Variants in STX1A observed in about 807,000 individuals in gnomAD.
The protein encoded by STX1A is syntaxin 1A.
In STX1A, 4 loss-of-function variants were observed where a neutral mutation model predicts 37.8. That is an observed-to-expected ratio of 0.11 (90% confidence interval 0.05 to 0.24). STX1A has a LOEUF of 0.24. Ranked by LOEUF, STX1A falls within the 10% of genes least tolerant of loss-of-function variation. The pLI is 1.00. For synonymous variants in STX1A, 135 were observed against 147.4 expected (o/e 0.92, Z 0.61); for missense variants, 251 against 399.9 (o/e 0.63, Z 3.18).
chr7:73,710,283 G>A (rs902326849), intron 1 of STX1A, among the ~76,000 whole-genome samples: 6 of 152,230 alleles, frequency 3.9e-5, no homozygotes, highest in South Asian at 2.1e-4. Context: ...GCCTCATACC[G>A]CCAGTTGGCC....
intron 1 of STX1A, among the ~76,000 whole-genome samples, chr7:73,713,622 C>T (rs550294717): frequency 6.6e-6 from 1 of 152,276 alleles, no homozygotes; most frequent in Non-Finnish European, 1.5e-5. Flanking sequence ...TGCAGCTACT[C>T]AGGAGGCTGA....
intron 1 of STX1A, among the ~76,000 whole-genome samples, chr7:73,711,162 T>TA (rs1330645370): frequency 1.3e-5 from 2 of 151,560 alleles, no homozygotes; most frequent in Non-Finnish European, 2.9e-5. Context: ...CACACCCAGC[T>TA]ACTTTTTGAT....
In STX1A at chr7:73,709,143, A is replaced by AT; in HGVS notation, c.31-22dup. ...TTGGCCTGTGCGGGGTTGTGCACAC[A>AT]TAAGTGGACGTATGTACAGGACCCA... On this transcript the variant is annotated intron_variant, in intron 1 of 9. Coordinates refer to ENST00000222812, the MANE Select transcript of STX1A (RefSeq NM_004603.4). The surrounding 1 kb of genome is among the most constrained non-coding windows in gnomAD (Gnocchi z 4.2). 1 of 1,610,030 alleles carries AT rather than the reference A, an allele frequency of 6.2e-7. No individual in the cohort carries two copies. Among genetic ancestry groups the AT allele is most frequent in the Middle Eastern group, 1.6e-4 (1 of 6,062 alleles).
In STX1A at chr7:73,700,015, A is replaced by G. The variant is rs1011352866; in HGVS notation, c.*392T>C. 6 of 275,470 alleles carry G rather than the reference A, an allele frequency of 2.2e-5. No individual in the cohort carries two copies. The highest frequency in any genetic ancestry group is 1.1e-4 in the African/African-American group (5 of 45,832). The allele number at this position is 275,470 out of a possible 1,614,324, so 17.1% of individuals were successfully genotyped here. ...CCCTCAGGGCTCTGCTTGTGGGGAC[A>G]GCTGGAGAGGACAGGGCAGGTCAGC... is the stretch of plus-strand genomic sequence containing the variant. On this transcript the variant is annotated 3_prime_UTR_variant, in exon 10 of 10. Transcript: ENST00000222812. This position sits in a 1 kb window ranked among gnomAD's most constrained non-coding sequence, Gnocchi z 4.4.
At position 73,709,022 on chromosome 7, in the gene STX1A, G is replaced by C. The variant is rs1554617545; in HGVS notation, c.108+23C>G. 6.2e-7 allele frequency: 1 copy of C among 1,613,516 alleles called. No individual in the cohort carries two copies. The highest frequency in any genetic ancestry group is 8.5e-7 in the Non-Finnish European group (1 of 1,179,454). ...CCCAAGTTCTGCCAGTGTGCGGGAA[G>C]GGTGGGGTGTGCTGGCTCCCACCTG... On this transcript the variant is annotated intron_variant, in intron 2 of 9. Transcript: ENST00000222812. The surrounding 1 kb of genome is among the most constrained non-coding windows in gnomAD (Gnocchi z 4.2).
intron 3 of STX1A, among the ~76,000 whole-genome samples, chr7:73,708,101 T>C (rs1798942687): frequency 7.5e-6 from 1 of 132,748 alleles, no homozygotes; most frequent in Non-Finnish European, 1.6e-5. Flanking sequence ...CCGTCTCTAC[T>C]AAAATACAAA....
intron 1 of STX1A, among the ~76,000 whole-genome samples, chr7:73,713,979 C>T (rs1160146726): frequency 6.6e-6 from 1 of 152,224 alleles, no homozygotes; most frequent in Non-Finnish European, 1.5e-5. Flanking sequence ...CTGGCCAAAA[C>T]CAGGCTCCAC....
chr7:73,710,172 C>G (rs1799046756), intron 1 of STX1A, among the ~76,000 whole-genome samples: 1 of 152,274 alleles, frequency 6.6e-6, no homozygotes, highest in Non-Finnish European at 1.5e-5. Context: ...AAGCCCCACT[C>G]CACTGTCCCA....
rs1554615699 is a variant in STX1A at position 73,700,578 on chromosome 7, G to C, written c.790-94C>G. ...GGCTGAGGACTGGACAGTCGGGGGGGATCCAAGCAGGGGAAGGTGACGGCC... is the reference window on the plus strand; with the variant it reads ...GGCTGAGGACTGGACAGTCGGGGGGCATCCAAGCAGGGGAAGGTGACGGCC... On this transcript the variant is annotated intron_variant, in intron 9 of 9. Transcript: ENST00000222812. The surrounding 1 kb of genome is among the most constrained non-coding windows in gnomAD (Gnocchi z 4.4). The C allele has an allele frequency of 6.6e-7, 1 of 1,523,268 alleles. No homozygotes were observed. Among genetic ancestry groups the C allele is most frequent in the Admixed American group, 1.9e-5 (1 of 52,800 alleles). The allele number at this position is 1,523,268 out of a possible 1,614,324, so 94.4% of individuals were successfully genotyped here. A position where few individuals can be genotyped will look rare whatever the true frequency, so the allele number is the denominator to read the frequency against.
Position 73,704,376 on chromosome 7 carries a change from CGGA to C in STX1A, c.328_330del (p.Ser110del). On this transcript the variant is annotated inframe_deletion, in exon 5 of 10. Transcript: ENST00000222812. ...TGTGTCTTCCGGATCCTCAGGTCAG[CGGA>C]GGAGCGGTTCAGGCCTTCCTCTTGC... 2.5e-6 allele frequency: 4 copies of C among 1,614,172 alleles called. No homozygotes were observed. Among genetic ancestry groups the C allele is most frequent in the Non-Finnish European group, 3.4e-6 (4 of 1,180,020 alleles).
At chr7:73,708,262 C>CAAAAAAAA (rs1157786155) in intron 3 of STX1A, among the ~76,000 whole-genome samples, 56 of 48,098 alleles carry the variant, frequency 1.2e-3, no homozygotes, top group Non-Finnish European at 1.4e-3. Context: ...GACTCCATCT[C>CAAAAAAAA]AAAAAAAAAA....
Position 73,713,981 on chromosome 7 carries a change from A to G in STX1A, c.31-4859T>C, listed in dbSNP as rs542624355. On this transcript the variant is annotated intron_variant, in intron 1 of 9. Coordinates refer to ENST00000222812, the MANE Select transcript of STX1A (RefSeq NM_004603.4). Reference sequence around the variant, plus strand: ...CCTTGCCTGCCTCCTGGCCAAAACCAGGCTCCACCTGTTTTGCCAGAGCCC... The same window carrying G: ...CCTTGCCTGCCTCCTGGCCAAAACCGGGCTCCACCTGTTTTGCCAGAGCCC... Among the ~76,000 whole-genome samples, 112 of 152,270 alleles carry G rather than the reference A, an allele frequency of 7.4e-4. 1 individual carries two copies. In the Middle Eastern group the frequency reaches 0.017, roughly 23 times the overall value.
intron 3 of STX1A, among the ~76,000 whole-genome samples, chr7:73,707,935 GAA>G (rs67491539): frequency 5.0e-5 from 6 of 119,092 alleles, no homozygotes; most frequent in Admixed American, 1.8e-4. Flanking sequence ...ACTCCGTCTT[GAA>G]AAAAAAAAAA....
In STX1A at chr7:73,717,046, AGCTGGAGAAG is replaced by A. The variant is rs555592607; in HGVS notation, c.30+2546_30+2555del. ...CCCCATCTGCAGAGGGAGAGTTGGG[AGCTGGAGAAG>A]GCTGGAGAAGGCTGGAGGGCTGGGC... On this transcript the variant is annotated intron_variant, in intron 1 of 9. Coordinates refer to ENST00000222812, the MANE Select transcript of STX1A (RefSeq NM_004603.4). This position sits in a 1 kb window ranked among gnomAD's most constrained non-coding sequence, Gnocchi z 4.1. Among the ~76,000 whole-genome samples, 84 of 152,194 alleles carry A rather than the reference AGCTGGAGAAG, an allele frequency of 5.5e-4. 1 individual carries two copies. The highest frequency in any genetic ancestry group is 1.8e-3 in the African/African-American group (73 of 41,516).
chr7:73,719,530 C>A (rs1799420738), intron 1 of STX1A, 72 bp downstream of exon 1: 4 of 1,182,706 alleles, frequency 3.4e-6, no homozygotes, highest in Non-Finnish European at 4.2e-6. Context: ...CCGCGGGAGC[C>A]GGGCGGGAAG....
chr7:73,702,768 G>A lies in STX1A; in HGVS notation c.678+77C>T. Reference sequence around the variant, plus strand: ...CCCTCCCCGGCAGGGCAGCGTGTCGGGCAGAAAGGGCGAGGTTAGTGCAGC... The same window carrying A: ...CCCTCCCCGGCAGGGCAGCGTGTCGAGCAGAAAGGGCGAGGTTAGTGCAGC... On this transcript the variant is annotated intron_variant, in intron 8 of 9. Transcript: ENST00000222812. The surrounding 1 kb of genome is among the most constrained non-coding windows in gnomAD (Gnocchi z 4.7). The A allele has an allele frequency of 1.2e-6, 2 of 1,603,180 alleles. No individual in the cohort carries two copies. The highest frequency in any genetic ancestry group is 8.5e-7 in the Non-Finnish European group (1 of 1,172,040).
rs559534047 is a variant in STX1A, at chr7:73,705,256, C to T, written c.209-32G>A. Reference sequence around the variant, plus strand: ...AGGTAGAAAGGGTGGGGGTAGGCCTCCTAGGCTCCGCGGGGACTGATGTGC... The same window carrying T: ...AGGTAGAAAGGGTGGGGGTAGGCCTTCTAGGCTCCGCGGGGACTGATGTGC... On this transcript the variant is annotated intron_variant, in intron 3 of 9. Coordinates refer to ENST00000222812, the MANE Select transcript of STX1A (RefSeq NM_004603.4). This position sits in a 1 kb window ranked among gnomAD's most constrained non-coding sequence, Gnocchi z 5.2. 1.3e-6 allele frequency: 2 copies of T among 1,590,710 alleles called. No individual in the cohort carries two copies. The highest frequency in any genetic ancestry group is 1.7e-5 in the Admixed American group (1 of 59,988).
Position 73,704,337 on chromosome 7 carries a change from T to G in STX1A, c.357+13A>C, listed in dbSNP as rs1554616473. 1 of 1,614,088 alleles carries G rather than the reference T, an allele frequency of 6.2e-7. No homozygotes were observed. The highest frequency in any genetic ancestry group is 1.7e-5 in the Admixed American group (1 of 60,014). On this transcript the variant is annotated intron_variant, in intron 5 of 9. Transcript: ENST00000222812. ...ACTCAGGTGCCCGCCCATCCTAGAC[T>G]CCGTGGCCGCACCTGTGTCTTCCGG...
intron 6 of STX1A, 49 bp downstream of exon 6, chr7:73,704,099 C>A: frequency 6.5e-7 from 1 of 1,534,930 alleles, no homozygotes; most frequent in East Asian, 2.3e-5. Flanking sequence ...GACTCGGGCC[C>A]CGCCCCTCCA....
Sources: gnomAD v4.1 joint callset for allele counts (sites outside exome capture counted in the v4.1 genomes callset) on GRCh38, gnomAD v4.1.1 for gene constraint, Gnocchi (gnomAD v3.1) non-coding constraint, MANE v1.5 for transcripts, NCBI Gene and HGNC (gene_info 2026-07-23, HGNC 2026-07-21) for gene names.